CYB5RL: variants seen among roughly 807,000 people sequenced by gnomAD.
CYB5RL encodes NADH-cytochrome b5 reductase-like.
Under a neutral mutation model 37.5 loss-of-function variants are expected in CYB5RL, and 38 were observed. The ratio of observed to expected loss-of-function variants is 1.01; its 90% CI spans 0.78 to 1.33. The LOEUF is 1.33. CYB5RL is among the 40% of genes most tolerant of loss of function. CYB5RL has a pLI of 0.00. For missense variants in CYB5RL, 388 were observed against 394.4 expected, an observed-to-expected ratio of 0.98 and a Z score of 0.14; for synonymous variants, 141 against 151.9, an observed-to-expected ratio of 0.93 and a Z score of 0.53.
intron 6 of CYB5RL, among the ~76,000 whole-genome samples, chr1:54,183,344 C>T (rs908450937): frequency 6.6e-6 from 1 of 152,176 alleles, no homozygotes; most frequent in Non-Finnish European, 1.5e-5. Context: ...GGACGGACTT[C>T]CATAAGTGGA....
chr1:54,174,936 C>T, intron 7 of CYB5RL, 114 bp from the exon 8 acceptor site: 1 of 1,066,098 alleles, frequency 9.4e-7, no homozygotes, highest in Non-Finnish European at 1.4e-6. Context: ...TGTAGGAAGC[C>T]AACCTATATC....
Position 54,174,725 on chromosome 1 carries a change from C to T in CYB5RL, c.842G>A (p.Arg281Gln), listed in dbSNP as rs772433235. The part of the protein sequence containing the change: ...DLIKELVSCC[R>Q]RKPFALVCGS... ...ACAGACCAGTGCGAATGGCTTTCTC[C>T]GACAGCAGCTGACCAGCTCTTTAAT... Residue 281 changes from arginine (R) to glutamine (Q), a missense_variant, in exon 8 of 8, where the codon CGG becomes CAG. Physicochemically the swap from Arg to Gln is conservative, Grantham distance 43. Coordinates refer to ENST00000534324, the MANE Select transcript of CYB5RL (RefSeq NM_001031672.4). 7.5e-5 allele frequency: 121 copies of T among 1,613,874 alleles called. No individual in the cohort carries two copies. The highest frequency in any genetic ancestry group is 9.6e-5 in the Non-Finnish European group (113 of 1,179,900).
intron 6 of CYB5RL, among the ~76,000 whole-genome samples, chr1:54,179,589 T>C (rs7520966): frequency 0.66 from 100,348 of 152,096 alleles, 34,152 homozygotes; most frequent in Non-Finnish European, 0.74. Flanking sequence ...AACATAACAG[T>C]ATAGCCCATC....
rs114119233 is a variant in CYB5RL at position 54,186,801 on chromosome 1, G to A, written c.435+851C>T. Among the ~76,000 whole-genome samples the A allele has an allele frequency of 3.7e-3, 559 of 152,214 alleles. 2 individuals carry two copies. Among genetic ancestry groups the A allele is most frequent in the African/African-American group, 0.013 (537 of 41,512 alleles). Reference sequence around the variant, plus strand: ...GAGCTGGAGGCAGTGCTGAGGTCTCGGTGTCAGGGGGCAGGACTCACCTAC... The same window carrying A: ...GAGCTGGAGGCAGTGCTGAGGTCTCAGTGTCAGGGGGCAGGACTCACCTAC... On this transcript the variant is annotated intron_variant, in intron 5 of 7. Coordinates refer to ENST00000534324, the MANE Select transcript of CYB5RL (RefSeq NM_001031672.4).
In CYB5RL at chr1:54,170,852, T is replaced by G; in HGVS notation, c.*3767A>C. On this transcript the variant is annotated 3_prime_UTR_variant, in exon 8 of 8. Transcript: ENST00000534324. ...CTCAGAAGCTTAGTTTCCTCATCAG[T>G]AAATTGGGGTAATAAAATAGCATGT... 3.2e-6 allele frequency: 1 copy of G among 311,494 alleles called. No individual in the cohort carries two copies. Among genetic ancestry groups the G allele is most frequent in the Non-Finnish European group, 6.4e-6 (1 of 155,926 alleles). 19.3% of individuals were successfully genotyped at this position (311,494 alleles called of 1,614,324 possible).
intron 4 of CYB5RL, 187 bp from the exon 5 acceptor site, chr1:54,187,926 T>C (rs1007152583): frequency 1.8e-6 from 1 of 560,738 alleles, no homozygotes; most frequent in Non-Finnish European, 3.2e-6. Flanking sequence ...AGTACAAAAA[T>C]TTAGCTGGGT....
At chr1:54,175,968 C>T (rs1660011970) in intron 7 of CYB5RL, among the ~76,000 whole-genome samples, 2 of 152,156 alleles carry the variant, frequency 1.3e-5, no homozygotes, top group South Asian at 4.1e-4. Flanking sequence ...AACCATCTTA[C>T]AAGCCCACAA....
chr1:54,191,334 C>A (rs1643951912), intron 3 of CYB5RL, among the ~76,000 whole-genome samples: 1 of 152,206 alleles, frequency 6.6e-6, no homozygotes, highest in South Asian at 2.1e-4. Context: ...AAAAGACATA[C>A]CCATTCTTCA....
rs1027676326 is a variant in CYB5RL at position 54,200,029 on chromosome 1, C to G, written c.-276G>C. 1 of 565,144 alleles carries G rather than the reference C, an allele frequency of 1.8e-6. No homozygotes were observed. Among genetic ancestry groups the G allele is most frequent in the Admixed American group, 3.5e-5 (1 of 28,202 alleles). 35.0% of individuals were successfully genotyped at this position (565,144 alleles called of 1,614,324 possible). On this transcript the variant is annotated 5_prime_UTR_variant, in exon 1 of 8. Transcript: ENST00000534324. ...GGATTTTCCAGGTTCCTCCCAGTCT[C>G]TGGGTAGGCGGGGAGCGCTTAGCAG...
intron 1 of CYB5RL, among the ~76,000 whole-genome samples, chr1:54,198,276 A>G (rs1273087256): frequency 1.3e-5 from 2 of 151,600 alleles, no homozygotes; most frequent in African/African-American, 4.8e-5. Flanking sequence ...TGGACCAGGT[A>G]TGCATTATGA....
intron 7 of CYB5RL, among the ~76,000 whole-genome samples, chr1:54,177,045 C>A (rs1168874978): frequency 6.6e-6 from 1 of 152,172 alleles, no homozygotes; most frequent in Admixed American, 6.5e-5. Context: ...TGACATCAGG[C>A]CACAGCTCAC....
At chr1:54,190,182 G>A (rs1643938134) in intron 4 of CYB5RL, among the ~76,000 whole-genome samples, 1 of 152,202 alleles carries the variant, frequency 6.6e-6, no homozygotes, top group African/African-American at 2.4e-5. Context: ...GCCTAAGTAG[G>A]CTGGGAGGAA....
Position 54,170,914 on chromosome 1 carries a change from C to T in CYB5RL, c.*3705G>A, listed in dbSNP as rs1310630315. On this transcript the variant is annotated 3_prime_UTR_variant, in exon 8 of 8. Transcript: ENST00000534324. ...GATTCTTGCTTCAAAGTAGAGGAAA[C>T]ACCTTTTGCCACCTGGAAAGCACTT... 10 of 338,470 alleles carry T rather than the reference C, an allele frequency of 3.0e-5. No homozygotes were observed. The highest frequency in any genetic ancestry group is 5.3e-5 in the Non-Finnish European group (9 of 169,864). 21.0% of individuals were successfully genotyped at this position (338,470 alleles called of 1,614,324 possible).
chr1:54,196,015 A>G (rs1644004725), intron 2 of CYB5RL, among the ~76,000 whole-genome samples: 1 of 152,186 alleles, frequency 6.6e-6, no homozygotes. Flanking sequence ...CCTTGAGCAC[A>G]GGAGGGTGTC....
At chr1:54,195,032 A>G (rs150695015) in intron 3 of CYB5RL, among the ~76,000 whole-genome samples, 2 of 152,320 alleles carry the variant, frequency 1.3e-5, no homozygotes, top group Non-Finnish European at 2.9e-5. Flanking sequence ...CCTAGAATAA[A>G]CTATAGCTAG....
rs1375317986 is a variant in CYB5RL, at chr1:54,179,343, G to A, written c.550C>T (p.Leu184Phe). 6.2e-7 allele frequency: 1 copy of A among 1,612,672 alleles called. No individual in the cohort carries two copies. The highest frequency in any genetic ancestry group is 2.2e-5 in the East Asian group (1 of 44,856). ...CCCGTGCCCGCAGCCAGCAAGAGGAGCTCACCATACTGGGGAACAGAAGGG... is the reference window on the plus strand; with the variant it reads ...CCCGTGCCCGCAGCCAGCAAGAGGAACTCACCATACTGGGGAACAGAAGGG... ...FFYKPNQYGE[L>F]LLLAAGTGLA... The change falls in exon 7 of 8, where the codon CTC (leucine) becomes TTC (phenylalanine). Residue 184 changes from leucine to phenylalanine, a missense_variant. Physicochemically the swap from Leu to Phe is conservative, Grantham distance 22. Transcript: ENST00000534324.
chr1:54,187,732 C>A lies in CYB5RL; in HGVS notation c.355G>T (p.Val119Leu). Residue 119 changes from valine to leucine, a missense_variant, in exon 5 of 8, where the codon GTA (valine) becomes TTA (leucine). Physicochemically the swap from Val to Leu is conservative, Grantham distance 32. Coordinates refer to ENST00000534324, the MANE Select transcript of CYB5RL (RefSeq NM_001031672.4). Reference protein sequence around the residue: ...PGQHLILRGIVDDLEIQRAYT... With the variant: ...PGQHLILRGILDDLEIQRAYT... ...GCTCTCTGAATTTCTAAGTCATCTACTATCCCTCTGAGAAACAGAAGTGTG... is the reference window on the plus strand; with the variant it reads ...GCTCTCTGAATTTCTAAGTCATCTAATATCCCTCTGAGAAACAGAAGTGTG... 7.4e-6 allele frequency: 12 copies of A among 1,613,898 alleles called. No individual in the cohort carries two copies. The highest frequency in any genetic ancestry group is 1.0e-5 in the Non-Finnish European group (12 of 1,179,802).
chr1:54,181,031 C>G (rs1240366154), intron 6 of CYB5RL, among the ~76,000 whole-genome samples: 1 of 152,122 alleles, frequency 6.6e-6, no homozygotes, highest in Non-Finnish European at 1.5e-5. Context: ...CAAAACAAAA[C>G]AAACAAAAAA....
chr1:54,181,930 A>T (rs1032660459), intron 6 of CYB5RL, among the ~76,000 whole-genome samples: 2 of 152,078 alleles, frequency 1.3e-5, no homozygotes, highest in Non-Finnish European at 2.9e-5. Flanking sequence ...GGCAACAGGG[A>T]GGGAAGGAGG....
Sources: gnomAD v4.1 joint callset for allele counts (sites outside exome capture counted in the v4.1 genomes callset) on GRCh38, gnomAD v4.1.1 for gene constraint, MANE v1.5 for transcripts, NCBI Gene and HGNC (gene_info 2026-07-23, HGNC 2026-07-21) for gene names.